Variants in SCEL observed in about 807,000 individuals in gnomAD.
SCEL encodes sciellin.
SCEL carries 113 observed loss-of-function variants against 117.6 expected under a neutral mutation model. The observed-to-expected ratio is 0.96, with a 90% CI of 0.83 to 1.12. The LOEUF (loss-of-function observed/expected upper bound fraction) is 1.12. Among genes scored for constraint, SCEL ranks in the 50% most tolerant of loss-of-function variants. The probability of loss-of-function intolerance (pLI) is 0.00; values close to 1 mark genes in which losing one functional copy is unlikely to be tolerated. For missense variants in SCEL, 785 were observed against 810.8 expected (o/e 0.97, Z 0.39); for synonymous variants, 270 against 256.2 (o/e 1.05, Z -0.51).
At chr13:77,551,014 C>A (rs374377552) in intron 1 of SCEL, among the ~76,000 whole-genome samples, 2 of 152,212 alleles carry the variant, frequency 1.3e-5, no homozygotes, top group African/African-American at 4.8e-5. Flanking sequence ...CCTGCATCCA[C>A]GTTCCCACTC....
chr13:77,571,066 G>A (rs2085580902), intron 8 of SCEL, among the ~76,000 whole-genome samples: 1 of 151,044 alleles, frequency 6.6e-6, no homozygotes, highest in South Asian at 2.1e-4. Flanking sequence ...TCCTGACCTC[G>A]TGATCCACCC....
chr13:77,597,427 G>A (rs571921418), intron 12 of SCEL, 118 bp from the exon 13 acceptor site: 9 of 594,026 alleles, frequency 1.5e-5, no homozygotes, highest in Admixed American at 1.2e-4. Context: ...CAGGATTTTC[G>A]CAGATGATAA....
intron 24 of SCEL, among the ~76,000 whole-genome samples, chr13:77,615,994 T>G (rs1189174993): frequency 7.3e-6 from 1 of 136,644 alleles, no homozygotes; most frequent in Non-Finnish European, 1.5e-5. Flanking sequence ...TTCATAAAAT[T>G]TATGTCTCTC....
intron 22 of SCEL, 23 bp downstream of exon 22, chr13:77,610,129 T>C: frequency 6.4e-7 from 1 of 1,559,782 alleles, no homozygotes; most frequent in Non-Finnish European, 8.8e-7. Context: ...GAACTCTCTA[T>C]TTCTCCCCCC....
intron 1 of SCEL, among the ~76,000 whole-genome samples, chr13:77,553,151 C>T (rs11149068): frequency 0.13 from 20,185 of 152,102 alleles, 1,419 homozygotes; most frequent in Non-Finnish European, 0.15. Context: ...TTTGGAGGAA[C>T]GTGACTTGGC....
chr13:77,546,042 C>T (rs1051189439), intron 1 of SCEL, among the ~76,000 whole-genome samples: 1 of 152,156 alleles, frequency 6.6e-6, no homozygotes, highest in African/African-American at 2.4e-5. Context: ...GAAAATGAAA[C>T]GTTATCAAGC....
At chr13:77,610,591 C>T (rs1053878735) in intron 22 of SCEL, among the ~76,000 whole-genome samples, 8 of 152,266 alleles carry the variant, frequency 5.3e-5, no homozygotes, top group African/African-American at 1.9e-4. Context: ...AGAGAGAATT[C>T]CTTGAAAGAC....
At chr13:77,624,462 C>T (rs994335857) in intron 27 of SCEL, among the ~76,000 whole-genome samples, 7 of 152,084 alleles carry the variant, frequency 4.6e-5, no homozygotes, top group African/African-American at 1.7e-4. Flanking sequence ...TGTCTGAGTC[C>T]AAATTTCCTC....
At chr13:77,628,951 A>C (rs2089905103) in intron 28 of SCEL, among the ~76,000 whole-genome samples, 1 of 152,206 alleles carries the variant, frequency 6.6e-6, no homozygotes, top group African/African-American at 2.4e-5. Flanking sequence ...TCCTGGAAAC[A>C]CATGTACTAT....
At chr13:77,578,102 A>T (rs548090707) in intron 9 of SCEL, among the ~76,000 whole-genome samples, 1 of 152,346 alleles carries the variant, frequency 6.6e-6, no homozygotes, top group Admixed American at 6.5e-5. Flanking sequence ...CACTTAAAAC[A>T]TCAAAGCTGT....
intron 1 of SCEL, among the ~76,000 whole-genome samples, chr13:77,547,271 T>C (rs1442009768): frequency 6.6e-6 from 1 of 152,210 alleles, no homozygotes; most frequent in Non-Finnish European, 1.5e-5. Context: ...AGGCGTGGCA[T>C]TCCGGAGGAA....
At chr13:77,538,804 A>G (rs548143060) in intron 1 of SCEL, among the ~76,000 whole-genome samples, 5 of 152,200 alleles carry the variant, frequency 3.3e-5, no homozygotes, top group Non-Finnish European at 5.9e-5. Flanking sequence ...CCTGACTCTA[A>G]AATGTGATTA....
At chr13:77,626,931 G>A (rs538495365) in intron 27 of SCEL, among the ~76,000 whole-genome samples, 6 of 151,122 alleles carry the variant, frequency 4.0e-5, no homozygotes, top group South Asian at 2.1e-4. Context: ...TAACAAAGAC[G>A]TTTCCTAACT....
At chr13:77,591,347 A>G in intron 10 of SCEL, 48 bp from the exon 11 acceptor site, 1 of 1,138,524 alleles carries the variant, frequency 8.8e-7, no homozygotes, top group Non-Finnish European at 1.3e-6. Context: ...TTTATCAAAA[A>G]GTGTTTTCTT....
chr13:77,582,448 G>A (rs770498270), intron 9 of SCEL, among the ~76,000 whole-genome samples: 10 of 151,750 alleles, frequency 6.6e-5, no homozygotes, highest in African/African-American at 9.7e-5. Flanking sequence ...GGCTGGTCTC[G>A]AACTCCTGAC....
chr13:77,598,003 C>G (rs1470132759), intron 13 of SCEL, among the ~76,000 whole-genome samples: 1 of 149,942 alleles, frequency 6.7e-6, no homozygotes, highest in African/African-American at 2.5e-5. Context: ...ACTCTCTTAC[C>G]CAGGCTGGAG....
At chr13:77,640,316 C>T (rs1252984296) in intron 30 of SCEL, among the ~76,000 whole-genome samples, 1 of 152,086 alleles carries the variant, frequency 6.6e-6, no homozygotes, top group Admixed American at 6.6e-5. Flanking sequence ...TAATCTGTAA[C>T]ATGATATATG....
At chr13:77,593,678 G>A (rs1220353031) in intron 12 of SCEL, 105 bp downstream of exon 12, 2 of 694,522 alleles carry the variant, frequency 2.9e-6, no homozygotes, top group African/African-American at 1.8e-5. Context: ...TCCTAGTGCT[G>A]TATATCGTAT....
Position 77,641,397 on chromosome 13 carries a change from G to A in SCEL, c.1947+613G>A, listed in dbSNP as rs567167600. On this transcript the variant is annotated intron_variant, in intron 31 of 32. Transcript: ENST00000349847. The stretch of plus-strand genomic sequence containing the variant: ...GGTGTAACTGCATAAGCAGTAAATG[G>A]GAATCTAAAGACCTGAGTTCTAGTT... 7.2e-5 allele frequency among the ~76,000 whole-genome samples: 11 copies of A among 152,234 alleles called. No individual in the cohort carries two copies. The East Asian group carries it at 2.1e-3, about 29-fold the overall frequency.
Sources: gnomAD v4.1 joint callset for allele counts (sites outside exome capture counted in the v4.1 genomes callset) on GRCh38, gnomAD v4.1.1 for gene constraint, MANE v1.5 for transcripts, NCBI Gene and HGNC (gene_info 2026-07-23, HGNC 2026-07-21) for gene names.